ABCC11: variants seen among roughly 807,000 people sequenced by gnomAD.
ABCC11 encodes ATP binding cassette subfamily C member 11.
In ABCC11, 135 loss-of-function variants were observed where a neutral mutation model predicts 149.3. That is an observed-to-expected ratio of 0.90 (90% CI 0.79 to 1.04). The LOEUF (loss-of-function observed/expected upper bound fraction) is 1.04, where lower values mean the gene tolerates loss of function less well. Ranked by LOEUF, ABCC11 falls within the 50% of genes least tolerant of loss-of-function variation. ABCC11 has a pLI of 0.00. For synonymous variants in ABCC11, 665 were observed against 671.4 expected, an observed-to-expected ratio of 0.99 and a Z score of 0.15; for missense variants, 1,680 against 1,722.1, an observed-to-expected ratio of 0.98 and a Z score of 0.43.
In ABCC11 at chr16:48,213,415, GCCTACAGCCAGTCCCCTGATGACCT is replaced by G. The variant is rs764291889; in HGVS notation, c.1356+3_1356+27del. 1 of 1,582,292 alleles carries G rather than the reference GCCTACAGCCAGTCCCCTGATGACCT, an allele frequency of 6.3e-7. No homozygotes were observed. Among genetic ancestry groups the G allele is most frequent in the African/African-American group, 1.3e-5 (1 of 74,114 alleles). ...AGGCAGAGGAGCGTCCAAGCAGGGG[GCCTACAGCCAGTCCCCTGATGACCT>G]ACCTTGAACCTCATCACTGCAGACT... is the stretch of plus-strand genomic sequence containing the variant. On this transcript the variant is annotated splice_donor_5th_base_variant and intron_variant, in intron 10 of 29. Coordinates refer to ENST00000356608, the MANE Select transcript of ABCC11 (RefSeq NM_001370497.1).
rs1328416003 is a variant in ABCC11 at position 48,175,798 on chromosome 16, T to TC, written c.3539-382dup. ...TAGAATTGGCAACACTGGACCCATA[T>TC]CCCCCCCAGGCAACAGCTCGGCTGG... On this transcript the variant is annotated intron_variant, in intron 25 of 29. Transcript: ENST00000356608. Among the ~76,000 whole-genome samples, 359 of 150,580 alleles carry TC rather than the reference T, an allele frequency of 2.4e-3. 1 individual carries two copies. Among genetic ancestry groups the TC allele is most frequent in the Non-Finnish European group, 4.1e-3 (275 of 67,720 alleles).
chr16:48,230,491 C>A lies in ABCC11; in HGVS notation c.182G>T (p.Trp61Leu), dbSNP rs1170195765. 3.1e-6 allele frequency: 5 copies of A among 1,612,620 alleles called. No homozygotes were observed. Among genetic ancestry groups the A allele is most frequent in the East Asian group, 2.2e-5 (1 of 44,800 alleles). ...TCTCAAGGCAGCATCATACTTCCCC[C>A]ACGGTGGGACAGCTGCCCTCCCTGG... ...EAPGRAAVPP[W>L]GKYDAALRTM... Residue 61 changes from tryptophan (W) to leucine (L), a missense_variant, in exon 3 of 30, where the codon TGG (tryptophan) becomes TTG (leucine). Transcript: ENST00000356608.
At chr16:48,234,495 G>A (rs982984882) in intron 1 of ABCC11, among the ~76,000 whole-genome samples, 1 of 152,140 alleles carries the variant, frequency 6.6e-6, no homozygotes, top group Non-Finnish European at 1.5e-5. Flanking sequence ...TCCATCTTGC[G>A]AGAGTGCTGC....
chr16:48,198,109 G>A (rs201670987), intron 16 of ABCC11, 32 bp downstream of exon 16: 28 of 1,614,202 alleles, frequency 1.7e-5, no homozygotes, highest in East Asian at 1.3e-4. Context: ...TGCGTCCACC[G>A]TGGGTAGTGA....
intron 1 of ABCC11, among the ~76,000 whole-genome samples, chr16:48,245,256 C>G (rs1241795980): frequency 2.0e-5 from 3 of 152,078 alleles, no homozygotes; most frequent in Admixed American, 6.5e-5. Flanking sequence ...TGGAACTTTC[C>G]TAGCTTCTCA....
intron 24 of ABCC11, 99 bp from the exon 25 acceptor site, chr16:48,177,212 C>G: frequency 8.1e-7 from 1 of 1,233,394 alleles, no homozygotes. Context: ...GTGTGACCCA[C>G]CCCAGCCTGC....
intron 26 of ABCC11, 114 bp from the exon 27 acceptor site, chr16:48,171,081 A>G: frequency 1.1e-6 from 1 of 921,834 alleles, no homozygotes; most frequent in Non-Finnish European, 1.7e-6. Context: ...GGGTTTAGGG[A>G]AATTCATGGA....
In ABCC11 at chr16:48,187,409, TCA is replaced by T; in HGVS notation, c.2723_2724del (p.Met908LysfsTer4). ...KLFNKVFRCP[M>X]SFFDTIPIGR... ...CCTATTGGGATGGTGTCAAAGAAAC[TCA>T]TGGGGCAGCGGAAAACCTGCAGGGA... On this transcript the variant is annotated frameshift_variant, in exon 21 of 30. Transcript: ENST00000356608. LOFTEE classifies it high-confidence loss of function. 2 of 1,613,116 alleles carry T rather than the reference TCA, an allele frequency of 1.2e-6. No individual in the cohort carries two copies. Among genetic ancestry groups the T allele is most frequent in the African/African-American group, 1.3e-5 (1 of 74,934 alleles).
In ABCC11 at chr16:48,170,945, G is replaced by A. The variant is rs147816016; in HGVS notation, c.3721C>T (p.Arg1241Cys). The change falls in exon 27 of 30, where the codon CGT becomes TGT. Residue 1241 changes from arginine to cysteine, a missense_variant. Physicochemically the swap from Arg to Cys is radical, Grantham distance 180 (BLOSUM62 -3). Transcript: ENST00000356608. ...TCCCAGATCTGCTGGTCAGTGTGAC[G>A]GTCAAAGGGATCTAGGTTGAATCTA... The part of the protein sequence containing the change: ...TIRFNLDPFD[R>C]HTDQQIWDAL... The A allele has an allele frequency of 5.4e-5, 87 of 1,613,774 alleles. No homozygotes were observed. The Middle Eastern group carries it at 1.3e-3, about 24-fold the overall frequency.
intron 1 of ABCC11, among the ~76,000 whole-genome samples, chr16:48,239,931 C>G (rs1419382158): frequency 6.6e-6 from 1 of 152,216 alleles, no homozygotes; most frequent in Non-Finnish European, 1.5e-5. Flanking sequence ...AAAAGCTCAA[C>G]ATCACTGATC....
At chr16:48,200,592 C>G in intron 14 of ABCC11, 113 bp from the exon 15 acceptor site, 1 of 1,054,028 alleles carries the variant, frequency 9.5e-7, no homozygotes, top group South Asian at 1.6e-5. Context: ...CCAAGATATG[C>G]ACACACTCCA....
intron 1 of ABCC11, among the ~76,000 whole-genome samples, chr16:48,238,929 C>T (rs4325549): frequency 1.3e-4 from 12 of 94,402 alleles, no homozygotes; most frequent in African/African-American, 5.6e-4. Context: ...AGAGGAGACT[C>T]TGTCTAAAAA....
At chr16:48,244,164 C>A in intron 1 of ABCC11, 1 of 473,968 alleles carries the variant, frequency 2.1e-6, no homozygotes, top group Non-Finnish European at 3.7e-6. Flanking sequence ...TCGCTGCACG[C>A]TTGAGTGCAC....
rs1201264233 is a variant in ABCC11 at position 48,219,015 on chromosome 16, C to T, written c.778-2728G>A. Among the ~76,000 whole-genome samples the T allele has an allele frequency of 2.0e-5, 3 of 152,104 alleles. No individual in the cohort carries two copies. The East Asian group carries it at 5.8e-4, about 29-fold the overall frequency. On this transcript the variant is annotated intron_variant, in intron 6 of 29. Transcript: ENST00000356608. Reference sequence around the variant, plus strand: ...TAGTATCATTGATGTAAAAAATCCCCCAAAAGCTATGTTCTACATTTTCTA... The same window carrying T: ...TAGTATCATTGATGTAAAAAATCCCTCAAAAGCTATGTTCTACATTTTCTA...
intron 4 of ABCC11, among the ~76,000 whole-genome samples, chr16:48,227,493 A>G (rs552709713): frequency 3.7e-4 from 55 of 149,524 alleles, no homozygotes; most frequent in Middle Eastern, 3.4e-3. Context: ...AAAAAAAAAT[A>G]GTGATAAAAA....
At chr16:48,176,409 G>A (rs1038368815) in intron 25 of ABCC11, among the ~76,000 whole-genome samples, 4 of 152,104 alleles carry the variant, frequency 2.6e-5, no homozygotes, top group Non-Finnish European at 4.4e-5. Flanking sequence ...AACTGAGGAG[G>A]AGAAAGGAAA....
Position 48,193,964 on chromosome 16 carries a change from A to G in ABCC11, c.2423T>C (p.Ile808Thr). 2 of 1,613,250 alleles carry G rather than the reference A, an allele frequency of 1.2e-6. No individual in the cohort carries two copies. The highest frequency in any genetic ancestry group is 2.2e-5 in the South Asian group (2 of 91,034). Reference protein sequence around the residue: ...QAAGGYMVSCIIFFFVVLIVF... With the variant: ...QAAGGYMVSCTIFFFVVLIVF... The stretch of plus-strand genomic sequence containing the variant: ...GATCAGCACCACGAAGAAGAAAATT[A>G]TGCAAGAGACCATGTAACCTGGGAG... The change falls in exon 19 of 30, where the codon ATA becomes ACA. Residue 808 changes from isoleucine (I) to threonine (T), a missense_variant. By Grantham distance (89) the Ile-to-Thr change is moderately conservative (BLOSUM62 -1). Transcript: ENST00000356608.
At position 48,211,154 on chromosome 16, in the gene ABCC11, G is replaced by A. The variant is rs2150860741; in HGVS notation, c.1402C>T (p.Gln468Ter). ...ESPVFYVQTL[Q>*]DPSKALVFEE... The stretch of plus-strand genomic sequence containing the variant: ...AAGACCAGAGCTTTGCTGGGGTCTT[G>A]TAATGTCTGGACATAGAAAACAGGG... Residue 468 changes from glutamine to a stop codon, truncating the protein, a stop_gained, in exon 11 of 30, where the codon CAA (glutamine) becomes TAA (stop). Transcript: ENST00000356608. LOFTEE classifies it high-confidence loss of function. The A allele has an allele frequency of 6.2e-7, 1 of 1,614,178 alleles. No individual in the cohort carries two copies. Among genetic ancestry groups the A allele is most frequent in the Admixed American group, 1.7e-5 (1 of 60,026 alleles).
At chr16:48,224,503 A>G in intron 4 of ABCC11, 74 bp from the exon 5 acceptor site, 2 of 1,539,940 alleles carry the variant, frequency 1.3e-6, no homozygotes, top group Non-Finnish European at 1.8e-6. Context: ...CTTGCTAGCC[A>G]GGAGCTTTGT....
Sources: gnomAD v4.1 joint callset for allele counts (sites outside exome capture counted in the v4.1 genomes callset) on GRCh38, gnomAD v4.1.1 for gene constraint, MANE v1.5 for transcripts, NCBI Gene and HGNC (gene_info 2026-07-23, HGNC 2026-07-21) for gene names.